The following FURIN variants were observed in gnomAD, a reference collection of about 807,000 sequenced individuals.
FURIN encodes furin, paired basic amino acid cleaving enzyme, also known as FES upstream region.
FURIN carries 18 observed loss-of-function variants against 89.2 expected under a neutral mutation model. The observed-to-expected ratio is 0.20, with a 90% CI of 0.14 to 0.30. The LOEUF is 0.30. Ranked by LOEUF, FURIN falls within the 10% of genes least tolerant of loss-of-function variation. The probability of loss-of-function intolerance (pLI) is 1.00; values close to 1 mark genes in which losing one functional copy is unlikely to be tolerated. For synonymous variants in FURIN, 508 were observed against 466.4 expected (o/e 1.09, Z -1.15); for missense variants, 879 against 1,100.5 (o/e 0.80, Z 2.85).
chr15:90,879,296 A>G, intron 9 of FURIN, 148 bp from the exon 10 acceptor site: 1 of 659,452 alleles, frequency 1.5e-6, no homozygotes, highest in South Asian at 1.8e-5. Context: ...CAAGTTAGCA[A>G]GGCAGCAGCT....
intron 1 of FURIN, chr15:90,871,414 C>T (rs1347811830): frequency 7.4e-6 from 1 of 135,066 alleles, no homozygotes; most frequent in East Asian, 2.2e-4. Flanking sequence ...TCCTACCTGC[C>T]CCTACCAGGA....
chr15:90,878,994 GTGGGGGC>G lies in FURIN; in HGVS notation c.1053+24_1053+30del. 6.7e-7 allele frequency: 1 copy of G among 1,492,136 alleles called. No individual in the cohort carries two copies. The highest frequency in any genetic ancestry group is 9.1e-7 in the Non-Finnish European group (1 of 1,093,756). The allele number at this position is 1,492,136 out of a possible 1,614,324, so 92.4% of individuals were successfully genotyped here. A position where few individuals can be genotyped will look rare whatever the true frequency, so the allele number is the denominator to read the frequency against. On this transcript the variant is annotated intron_variant, in intron 9 of 15. Transcript: ENST00000268171. ...AGCAGATCGTGAGTCTTACCTGGGGGTGGGGGCTGGGGAGATGGGGCTGCTGGCTGGC... is the reference window on the plus strand; with the variant it reads ...AGCAGATCGTGAGTCTTACCTGGGGGTGGGGAGATGGGGCTGCTGGCTGGC...
rs943670512 is a variant in FURIN, at chr15:90,876,968, G to C, written c.445G>C (p.Val149Leu). 3 of 1,614,154 alleles carry C rather than the reference G, an allele frequency of 1.9e-6. No homozygotes were observed. The highest frequency in any genetic ancestry group is 2.5e-6 in the Non-Finnish European group (3 of 1,180,006). The change falls in exon 5 of 16, where the codon GTC becomes CTC. Residue 149 changes from valine to leucine, a missense_variant. Val to Leu is a conservative substitution (Grantham distance 32, BLOSUM62 1). Transcript: ENST00000268171. The surrounding 1 kb of genome is among the most constrained non-coding windows in gnomAD (Gnocchi z 5.0). The stretch of plus-strand genomic sequence containing the variant: ...GGGCTACACAGGGCACGGCATTGTG[G>C]TCTCCATTCTGGACGATGGCATCGA... ...AQGYTGHGIV[V>L]SILDDGIEKN...
chr15:90,878,957 A>T lies in FURIN; in HGVS notation c.1034A>T (p.Asn345Ile). ...CTGGCCACGACCTACAGCAGTGGCA[A>T]CCAGAATGAGAAGCAGATCGTGAGT... ...STLATTYSSG[N>I]QNEKQIVTTD... Residue 345 changes from asparagine to isoleucine, a missense_variant, in exon 9 of 16, where the codon AAC (asparagine) becomes ATC (isoleucine). By Grantham distance (149) the Asn-to-Ile change is moderately radical. Coordinates refer to ENST00000268171, the MANE Select transcript of FURIN (RefSeq NM_002569.4). 6.2e-7 allele frequency: 1 copy of T among 1,602,418 alleles called. No individual in the cohort carries two copies. Among genetic ancestry groups the T allele is most frequent in the Admixed American group, 1.7e-5 (1 of 58,776 alleles).
intron 1 of FURIN, among the ~76,000 whole-genome samples, chr15:90,870,890 C>T (rs184537866): frequency 6.6e-6 from 1 of 152,182 alleles, no homozygotes; most frequent in East Asian, 1.9e-4. Context: ...TGGATTAAAT[C>T]ATGTACATAA....
rs2031921830 is a variant in FURIN, at chr15:90,880,835, G to A, written c.1681+20G>A. The A allele has an allele frequency of 6.2e-7, 1 of 1,612,128 alleles. No individual in the cohort carries two copies. Among genetic ancestry groups the A allele is most frequent in the South Asian group, 1.1e-5 (1 of 90,878 alleles). On this transcript the variant is annotated intron_variant, in intron 14 of 15. Transcript: ENST00000268171. ...ACTATGGTACTGGGGGCACTTGAGG[G>A]GTAGGGGTACGAGGTGGAGGGCTGG...
In FURIN at chr15:90,878,517, C is replaced by A. The variant is rs531298915; in HGVS notation, c.840+213C>A. The stretch of plus-strand genomic sequence containing the variant: ...CATTTTTTTTAGAAATGAGGTCTTG[C>A]TGTGTTACCCAGGCTGGTCTCAAAC... On this transcript the variant is annotated intron_variant, in intron 8 of 15. Transcript: ENST00000268171. 2.0e-5 allele frequency among the ~76,000 whole-genome samples: 3 copies of A among 152,320 alleles called. No individual in the cohort carries two copies. In the East Asian group the frequency reaches 5.8e-4, roughly 29 times the overall value.
intron 1 of FURIN, among the ~76,000 whole-genome samples, chr15:90,870,731 T>C (rs1381713812): frequency 6.6e-6 from 1 of 152,148 alleles, no homozygotes; most frequent in Non-Finnish European, 1.5e-5. Context: ...TGCAAGTAGC[T>C]TGGATTCAGG....
chr15:90,876,120 G>A lies in FURIN; in HGVS notation c.178-135G>A. On this transcript the variant is annotated intron_variant, in intron 2 of 15. Coordinates refer to ENST00000268171, the MANE Select transcript of FURIN (RefSeq NM_002569.4). This position sits in a 1 kb window ranked among gnomAD's most constrained non-coding sequence, Gnocchi z 5.0. ...CCTCATGGTCCCCGCATTTTGCTGG[G>A]TCCCGGACAGGGAGCAGATGCCCCG... 1.3e-6 allele frequency: 1 copy of A among 793,018 alleles called. No individual in the cohort carries two copies. The highest frequency in any genetic ancestry group is 1.5e-5 in the South Asian group (1 of 65,732). 49.1% of individuals were successfully genotyped at this position (793,018 alleles called of 1,614,324 possible). A position where few individuals can be genotyped will look rare whatever the true frequency, so the allele number is the denominator to read the frequency against.
In FURIN at chr15:90,879,547, A is replaced by G. The variant is rs2031821574; in HGVS notation, c.1154+3A>G. On this transcript the variant is annotated splice_donor_region_variant and intron_variant, in intron 10 of 15. Coordinates refer to ENST00000268171, the MANE Select transcript of FURIN (RefSeq NM_002569.4). ...ATTGCTCTCACCCTGGAGGCCAAGT[A>G]AGTGGGTGGGGGCCAGCGGCAACCC... The G allele has an allele frequency of 1.2e-6, 2 of 1,604,740 alleles. No homozygotes were observed. Among genetic ancestry groups the G allele is most frequent in the African/African-American group, 2.7e-5 (2 of 74,778 alleles).
Position 90,876,299 on chromosome 15 carries a change from G to A in FURIN, c.222G>A (p.Lys74=). 1 of 1,613,170 alleles carries A rather than the reference G, an allele frequency of 6.2e-7. No homozygotes were observed. The highest frequency in any genetic ancestry group is 1.3e-5 in the African/African-American group (1 of 75,036). Reference sequence around the variant, plus strand: ...ACTTCTGGCATCGAGGAGTGACGAAGCGGTCCCTGTCGCCTCACCGCCCGC... The same window carrying A: ...ACTTCTGGCATCGAGGAGTGACGAAACGGTCCCTGTCGCCTCACCGCCCGC... ...YYHFWHRGVT[K]RSLSPHRPRH... Residue 74 remains lysine, a synonymous_variant, in exon 3 of 16, where the codon AAG becomes AAA. Coordinates refer to ENST00000268171, the MANE Select transcript of FURIN (RefSeq NM_002569.4). The surrounding 1 kb of genome is among the most constrained non-coding windows in gnomAD (Gnocchi z 5.0).
intron 1 of FURIN, among the ~76,000 whole-genome samples, chr15:90,872,020 C>T (rs1019172372): frequency 2.6e-5 from 4 of 151,390 alleles, no homozygotes; most frequent in African/African-American, 9.7e-5. Context: ...ATTCCGCAGG[C>T]GCCGGGTGCT....
Position 90,881,103 on chromosome 15 carries a change from C to T in FURIN, c.1792+63C>T. 1.5e-6 allele frequency: 2 copies of T among 1,308,062 alleles called. No individual in the cohort carries two copies. The highest frequency in any genetic ancestry group is 1.2e-5 in the South Asian group (1 of 84,762). The allele number at this position is 1,308,062 out of a possible 1,614,324, so 81.0% of individuals were successfully genotyped here. ...TCTGGGGGTAAGGCGGGTGCCTGTC[C>T]TGAAGCCCAGCTCTAACAGAAAAAA... On this transcript the variant is annotated intron_variant, in intron 15 of 15. Transcript: ENST00000268171. This position sits in a 1 kb window ranked among gnomAD's most constrained non-coding sequence, Gnocchi z 4.3.
rs2031944606 is a variant in FURIN, at chr15:90,881,176, C to T, written c.1793-110C>T. 9.0e-7 allele frequency: 1 copy of T among 1,113,606 alleles called. No homozygotes were observed. Among genetic ancestry groups the T allele is most frequent in the Admixed American group, 2.1e-5 (1 of 48,262 alleles). The allele number at this position is 1,113,606 out of a possible 1,614,324, so 69.0% of individuals were successfully genotyped here. On this transcript the variant is annotated intron_variant, in intron 15 of 15. Transcript: ENST00000268171. The surrounding 1 kb of genome is among the most constrained non-coding windows in gnomAD (Gnocchi z 4.3). ...TGGGGCTCTTGGGATGACCACAGTC[C>T]TGGGGCTGGAGGATCCTGGGGATGT...
chr15:90,878,553 A>C (rs1159182256), intron 8 of FURIN, among the ~76,000 whole-genome samples: 1 of 152,192 alleles, frequency 6.6e-6, no homozygotes, highest in African/African-American at 2.4e-5. Flanking sequence ...TCCTGGCCTC[A>C]AGCGATCCTC....
At chr15:90,875,976 G>A in intron 2 of FURIN, 59 bp downstream of exon 2, 1 of 1,392,994 alleles carries the variant, frequency 7.2e-7, no homozygotes, top group African/African-American at 1.4e-5. Context: ...CAGGGATTCT[G>A]GGAGCAGGAG....
intron 1 of FURIN, among the ~76,000 whole-genome samples, chr15:90,873,476 C>A (rs1212819635): frequency 1.3e-5 from 2 of 152,098 alleles, no homozygotes; most frequent in Non-Finnish European, 2.9e-5. Flanking sequence ...ACTCACAGCA[C>A]GGTGGTTGGT....
At chr15:90,877,048 C>G in intron 5 of FURIN, 24 bp downstream of exon 5, 1 of 1,613,850 alleles carries the variant, frequency 6.2e-7, no homozygotes, top group Non-Finnish European at 8.5e-7. Context: ...GGAGGGAGGC[C>G]GTGATCCCTG....
chr15:90,880,649 G>A (rs1268247207), intron 13 of FURIN, 42 bp from the exon 14 acceptor site: 1 of 1,577,730 alleles, frequency 6.3e-7, no homozygotes, highest in African/African-American at 1.4e-5. Flanking sequence ...CTGGCTTGGG[G>A]TCCCGCAGAG....
Sources: gnomAD v4.1 joint callset for allele counts (sites outside exome capture counted in the v4.1 genomes callset) on GRCh38, gnomAD v4.1.1 for gene constraint, Gnocchi (gnomAD v3.1) non-coding constraint, MANE v1.5 for transcripts, NCBI Gene and HGNC (gene_info 2026-07-23, HGNC 2026-07-21) for gene names.